Variants in TMTC2 observed in about 807,000 individuals in gnomAD.
The protein encoded by TMTC2 is transmembrane O-mannosyltransferase targeting cadherins 2, also known as protein O-mannosyl-transferase TMTC2.
In TMTC2, 43 loss-of-function variants were observed where a neutral mutation model predicts 82.4. That is an observed-to-expected ratio of 0.52 (90% CI 0.41 to 0.67). The LOEUF is 0.67. Among genes scored for constraint, TMTC2 ranks in the 30% least tolerant of loss-of-function variants. TMTC2 has a pLI of 0.00. For synonymous variants in TMTC2, 408 were observed against 381.9 expected, an observed-to-expected ratio of 1.07 and a Z score of -0.80; for missense variants, 919 against 1,012.4, an observed-to-expected ratio of 0.91 and a Z score of 1.25.
chr12:82,846,468 A>G (rs1429031441), intron 1 of TMTC2, among the ~76,000 whole-genome samples: 1 of 152,072 alleles, frequency 6.6e-6, no homozygotes, highest in African/African-American at 2.4e-5. Context: ...CAAATCTCCA[A>G]CATCTTGGGG....
chr12:83,117,382 G>C (rs1799410559), intron 11 of TMTC2, among the ~76,000 whole-genome samples: 1 of 152,188 alleles, frequency 6.6e-6, no homozygotes, highest in African/African-American at 2.4e-5. Context: ...CAAAATACTA[G>C]CTAACTGAAT....
At chr12:82,840,013 G>T (rs1281938455) in intron 1 of TMTC2, among the ~76,000 whole-genome samples, 6 of 152,174 alleles carry the variant, frequency 3.9e-5, no homozygotes, top group Non-Finnish European at 8.8e-5. Context: ...AATATGCAAA[G>T]AGGAAAGATA....
intron 11 of TMTC2, among the ~76,000 whole-genome samples, chr12:83,110,222 T>C (rs541139078): frequency 6.6e-6 from 1 of 152,284 alleles, no homozygotes; most frequent in African/African-American, 2.4e-5. Context: ...CAAACCAACC[T>C]CTTCATTTCT....
At chr12:82,780,276 C>T (rs186074840) in intron 1 of TMTC2, among the ~76,000 whole-genome samples, 1 of 152,244 alleles carries the variant, frequency 6.6e-6, no homozygotes, top group East Asian at 1.9e-4. Flanking sequence ...ATGAGGTTAA[C>T]TGACCATTCT....
chr12:82,789,501 T>A (rs1267159246), intron 1 of TMTC2, among the ~76,000 whole-genome samples: 1 of 152,146 alleles, frequency 6.6e-6, no homozygotes. Flanking sequence ...GAGTTTGTCC[T>A]TTCATCTGGT....
At chr12:82,697,078 G>C (rs1000233857) in intron 1 of TMTC2, among the ~76,000 whole-genome samples, 1 of 151,536 alleles carries the variant, frequency 6.6e-6, no homozygotes, top group Non-Finnish European at 1.5e-5. Flanking sequence ...GGGCGCAGTG[G>C]CTCATGCCTG....
intron 4 of TMTC2, among the ~76,000 whole-genome samples, chr12:82,956,047 T>A (rs1877597021): frequency 6.6e-6 from 1 of 152,164 alleles, no homozygotes; most frequent in Non-Finnish European, 1.5e-5. Context: ...TAAAATACGT[T>A]CTTCCACTGT....
chr12:82,899,837 TAC>T (rs1873897384), intron 3 of TMTC2, among the ~76,000 whole-genome samples: 2 of 143,532 alleles, frequency 1.4e-5, no homozygotes, highest in African/African-American at 2.6e-5. Flanking sequence ...GGAATATATA[TAC>T]ATATCCGGAA....
chr12:82,856,236 T>C (rs1444412006), intron 1 of TMTC2, among the ~76,000 whole-genome samples: 1 of 152,152 alleles, frequency 6.6e-6, no homozygotes, highest in African/African-American at 2.4e-5. Context: ...ATGGAAACTA[T>C]CCTCAAAAGC....
rs968679447 is a variant in TMTC2 at position 82,694,765 on chromosome 12, A to G, written c.83+7096A>G. Among the ~76,000 whole-genome samples, 6 of 146,742 alleles carry G rather than the reference A, an allele frequency of 4.1e-5. No homozygotes were observed. In the South Asian group the frequency reaches 8.8e-4, roughly 22 times the overall value. On this transcript the variant is annotated intron_variant, in intron 1 of 11. Transcript: ENST00000321196. The stretch of plus-strand genomic sequence containing the variant: ...TGAAATTTATTATAAAAGTATAATT[A>G]TTCCACAGGAGATTTAAGTTAAAAA...
rs184940000 is a variant in TMTC2 at position 83,132,080 on chromosome 12, C to T, written c.2332-130C>T. 115 of 1,078,288 alleles carry T rather than the reference C, an allele frequency of 1.1e-4. No homozygotes were observed. The African/African-American group carries it at 1.2e-3, about 11-fold the overall frequency. 66.8% of individuals were successfully genotyped at this position (1,078,288 alleles called of 1,614,324 possible). A position where few individuals can be genotyped will look rare whatever the true frequency, so the allele number is the denominator to read the frequency against. On this transcript the variant is annotated intron_variant, in intron 11 of 11. Transcript: ENST00000321196. Reference sequence around the variant, plus strand: ...TATCTTTATCTGTTTGTATAAATTGCTAAATTGCTTTCACAAAATGCCTCT... The same window carrying T: ...TATCTTTATCTGTTTGTATAAATTGTTAAATTGCTTTCACAAAATGCCTCT...
chr12:83,108,376 A>G (rs1039481276), intron 11 of TMTC2, among the ~76,000 whole-genome samples: 4 of 152,220 alleles, frequency 2.6e-5, no homozygotes, highest in Non-Finnish European at 4.4e-5. Flanking sequence ...TTGACATTAT[A>G]AAACGTGAAC....
intron 8 of TMTC2, chr12:83,021,985 A>G (rs1456298135): frequency 6.6e-6 from 1 of 152,140 alleles, no homozygotes; most frequent in East Asian, 1.9e-4. Context: ...GAAGTGTTCC[A>G]TATTTGCACA....
chr12:82,806,044 A>T (rs939422281), intron 1 of TMTC2, among the ~76,000 whole-genome samples: 1 of 152,052 alleles, frequency 6.6e-6, no homozygotes, highest in Non-Finnish European at 1.5e-5. Flanking sequence ...TAAGCAGATA[A>T]ATCAAAATTC....
intron 8 of TMTC2, among the ~76,000 whole-genome samples, chr12:83,010,444 A>T (rs1411480268): frequency 6.6e-6 from 1 of 152,096 alleles, no homozygotes; most frequent in Non-Finnish European, 1.5e-5. Context: ...CTTCCTGTTG[A>T]CCAGCTCTCC....
At chr12:82,774,059 C>T (rs1463468322) in intron 1 of TMTC2, among the ~76,000 whole-genome samples, 1 of 151,878 alleles carries the variant, frequency 6.6e-6, no homozygotes, top group African/African-American at 2.4e-5. Flanking sequence ...TTTTTTTCCT[C>T]TATTATTTAA....
intron 2 of TMTC2, among the ~76,000 whole-genome samples, chr12:82,866,424 G>T (rs1239669865): frequency 1.3e-5 from 2 of 152,098 alleles, no homozygotes. Flanking sequence ...TTACAGTACA[G>T]CATGAAATAT....
intron 2 of TMTC2, among the ~76,000 whole-genome samples, chr12:82,874,759 T>C (rs1217538753): frequency 6.6e-6 from 1 of 152,074 alleles, no homozygotes; most frequent in Non-Finnish European, 1.5e-5. Context: ...TCTTAACAAA[T>C]ATGGAATAAA....
intron 7 of TMTC2, among the ~76,000 whole-genome samples, chr12:82,972,266 T>C (rs1484538733): frequency 6.6e-6 from 1 of 152,184 alleles, no homozygotes; most frequent in Admixed American, 6.5e-5. Flanking sequence ...CATACTGTTC[T>C]GATTCTCTTA....
Sources: gnomAD v4.1 joint callset for allele counts (sites outside exome capture counted in the v4.1 genomes callset) on GRCh38, gnomAD v4.1.1 for gene constraint, MANE v1.5 for transcripts, NCBI Gene and HGNC (gene_info 2026-07-23, HGNC 2026-07-21) for gene names.